KCND2: variants seen among roughly 807,000 people sequenced by gnomAD.
KCND2 encodes A-type voltage-gated potassium channel KCND2.
Under a neutral mutation model 54.4 loss-of-function variants are expected in KCND2, and 16 were observed. That is an observed-to-expected ratio of 0.29 (90% CI 0.20 to 0.45). The LOEUF is 0.45. KCND2 is among the 20% of genes least tolerant of loss of function. The pLI is 1.00. For missense variants in KCND2, 486 were observed against 824.2 expected (o/e 0.59, Z 5.02); for synonymous variants, 317 against 310.7 (o/e 1.02, Z -0.21).
In KCND2 at chr7:120,275,112, C is replaced by A. The variant is rs761095237; in HGVS notation, c.480C>A (p.Ser160Arg). The stretch of plus-strand genomic sequence containing the variant: ...CGGATACCGACACCGCTGGGGAGAG[C>A]GCCTTGCCCACCATGACTGCAAGGC... ...DDADTDTAGE[S>R]ALPTMTARQR... The change falls in exon 1 of 6, where the codon AGC becomes AGA. Residue 160 changes from serine to arginine, a missense_variant. This residue lies in a region of KCND2 where 231 missense variants were observed against 386.0 expected (regional missense o/e 0.60). Transcript: ENST00000331113. 4 of 1,613,520 alleles carry A rather than the reference C, an allele frequency of 2.5e-6. No homozygotes were observed. The highest frequency in any genetic ancestry group is 2.7e-5 in the African/African-American group (2 of 74,924).
chr7:120,638,070 G>A (rs1793326627), intron 1 of KCND2, among the ~76,000 whole-genome samples: 1 of 152,106 alleles, frequency 6.6e-6, no homozygotes, highest in Non-Finnish European at 1.5e-5. Context: ...ACGAGAAAGT[G>A]GCTGCAGTAA....
chr7:120,303,101 G>T (rs146099618), intron 1 of KCND2, among the ~76,000 whole-genome samples: 148 of 151,856 alleles, frequency 9.7e-4, no homozygotes, highest in African/African-American at 3.4e-3. Context: ...GCAGACAGTT[G>T]TTATAAAAAA....
intron 1 of KCND2, among the ~76,000 whole-genome samples, chr7:120,607,274 A>G (rs947933816): frequency 6.6e-6 from 1 of 151,918 alleles, no homozygotes; most frequent in Non-Finnish European, 1.5e-5. Context: ...TTGAATTTTG[A>G]CAATTTTGGT....
chr7:120,413,390 G>A (rs149826524), intron 1 of KCND2, among the ~76,000 whole-genome samples: 83 of 151,732 alleles, frequency 5.5e-4, no homozygotes, highest in African/African-American at 1.9e-3. Flanking sequence ...AATTTCTTCT[G>A]GGTTAATTTG....
At chr7:120,311,620 A>G (rs1282112592) in intron 1 of KCND2, among the ~76,000 whole-genome samples, 1 of 152,118 alleles carries the variant, frequency 6.6e-6, no homozygotes, top group Non-Finnish European at 1.5e-5. Flanking sequence ...GGTTTGTTAC[A>G]TAGGTATACT....
At chr7:120,342,127 A>G (rs1800248543) in intron 1 of KCND2, among the ~76,000 whole-genome samples, 1 of 152,188 alleles carries the variant, frequency 6.6e-6, no homozygotes, top group Non-Finnish European at 1.5e-5. Flanking sequence ...GAGTACATGG[A>G]TGAAAATCTT....
At chr7:120,435,042 A>C (rs1801846299) in intron 1 of KCND2, among the ~76,000 whole-genome samples, 1 of 152,046 alleles carries the variant, frequency 6.6e-6, no homozygotes, top group Non-Finnish European at 1.5e-5. Context: ...AATATAAAAA[A>C]CCTATCTTGC....
At chr7:120,444,120 G>A (rs1300317288) in intron 1 of KCND2, among the ~76,000 whole-genome samples, 1 of 151,972 alleles carries the variant, frequency 6.6e-6, no homozygotes, top group Non-Finnish European at 1.5e-5. Context: ...TTCCTGAATG[G>A]CAAAGGTGAT....
In KCND2 at chr7:120,748,829, A is replaced by G. The variant is rs1226610499; in HGVS notation, c.*971A>G. On this transcript the variant is annotated 3_prime_UTR_variant, in exon 6 of 6. Coordinates refer to ENST00000331113, the MANE Select transcript of KCND2 (RefSeq NM_012281.3). Reference sequence around the variant, plus strand: ...GCATTATCTGTTCTTGTATTTCTATAGCACCTCTCTATTGGGTTTATCATC... The same window carrying G: ...GCATTATCTGTTCTTGTATTTCTATGGCACCTCTCTATTGGGTTTATCATC... 6.6e-6 allele frequency: 1 copy of G among 151,966 alleles called. No homozygotes were observed. The highest frequency in any genetic ancestry group is 2.4e-5 in the African/African-American group (1 of 41,448). The allele number at this position is 151,966 out of a possible 1,614,324, so 9.4% of individuals were successfully genotyped here.
rs183226775 is a variant in KCND2 at position 120,308,222 on chromosome 7, C to T, written c.1115+32475C>T. ...ATATCCATAGTGCAGCTTCAAATGA[C>T]GCAAAACCTTTTATGATTATAAAGG... On this transcript the variant is annotated intron_variant, in intron 1 of 5. Transcript: ENST00000331113. Among the ~76,000 whole-genome samples, 59 of 152,150 alleles carry T rather than the reference C, an allele frequency of 3.9e-4. 1 individual carries two copies. Among genetic ancestry groups the T allele is most frequent in the Admixed American group, 3.3e-3 (51 of 15,262 alleles).
chr7:120,639,563 G>A (rs1793346254), intron 1 of KCND2, among the ~76,000 whole-genome samples: 1 of 152,096 alleles, frequency 6.6e-6, no homozygotes, highest in Non-Finnish European at 1.5e-5. Flanking sequence ...CACAGCATGG[G>A]CACAGTAGTT....
chr7:120,355,557 G>A (rs4409334), intron 1 of KCND2, among the ~76,000 whole-genome samples: 109,002 of 151,152 alleles, frequency 0.72, 41,215 homozygotes, highest in South Asian at 0.91. Flanking sequence ...CAGAAAAAAA[G>A]AAAATTACAT....
At chr7:120,327,240 G>A (rs2116341239) in intron 1 of KCND2, among the ~76,000 whole-genome samples, 2 of 152,096 alleles carry the variant, frequency 1.3e-5, no homozygotes, top group South Asian at 4.1e-4. Flanking sequence ...TAGCATAAAA[G>A]GTCTTTAGAG....
chr7:120,740,986 G>T (rs1792933924), intron 2 of KCND2: 1 of 370,262 alleles, frequency 2.7e-6, no homozygotes, highest in African/African-American at 2.2e-5. Context: ...CTAATTTAAA[G>T]GATAATTGCA....
intron 1 of KCND2, among the ~76,000 whole-genome samples, chr7:120,604,638 G>C (rs1308462884): frequency 6.6e-6 from 1 of 151,460 alleles, no homozygotes; most frequent in Non-Finnish European, 1.5e-5. Context: ...ACTGGAAACA[G>C]GTGCTTCTTG....
Position 120,537,885 on chromosome 7 carries a change from A to G in KCND2, c.1116-195018A>G, listed in dbSNP as rs1276713917. Among the ~76,000 whole-genome samples, 3 of 152,176 alleles carry G rather than the reference A, an allele frequency of 2.0e-5. No homozygotes were observed. In the East Asian group the frequency reaches 5.8e-4, roughly 29 times the overall value. ...GCTGGTTTGATCTCTTATCCAGACC[A>G]CTAAAACTTTCTCCATATCAGCAGT... On this transcript the variant is annotated intron_variant, in intron 1 of 5. Coordinates refer to ENST00000331113, the MANE Select transcript of KCND2 (RefSeq NM_012281.3).
chr7:120,447,416 T>C (rs1414870547), intron 1 of KCND2, among the ~76,000 whole-genome samples: 3 of 151,998 alleles, frequency 2.0e-5, no homozygotes. Flanking sequence ...AGCTCAGTTT[T>C]CCCCCTAATT....
intron 1 of KCND2, among the ~76,000 whole-genome samples, chr7:120,547,540 G>C (rs1209559939): frequency 6.6e-6 from 1 of 151,918 alleles, no homozygotes; most frequent in East Asian, 1.9e-4. Flanking sequence ...AGAACTCTCT[G>C]TTCCCTCCAA....
chr7:120,650,709 A>G (rs1791718998), intron 1 of KCND2, among the ~76,000 whole-genome samples: 1 of 143,584 alleles, frequency 7.0e-6, no homozygotes, highest in Non-Finnish European at 1.5e-5. Flanking sequence ...TAGAATTTTC[A>G]GCTTTTCTGC....
Sources: gnomAD v4.1 joint callset for allele counts (sites outside exome capture counted in the v4.1 genomes callset) on GRCh38, gnomAD v4.1.1 for gene constraint, gnomAD v4.1.1 regional missense constraint, MANE v1.5 for transcripts, NCBI Gene and HGNC (gene_info 2026-07-23, HGNC 2026-07-21) for gene names.